The following PCDH9 variants were observed in gnomAD, a reference collection of about 807,000 sequenced individuals.
PCDH9 encodes protocadherin 9.
A neutral mutation model predicts 70.6 loss-of-function variants in PCDH9; 24 were observed. The ratio of observed to expected loss-of-function variants is 0.34; its 90% CI spans 0.25 to 0.48. The LOEUF (loss-of-function observed/expected upper bound fraction) is 0.48. Among genes scored for constraint, PCDH9 ranks in the 20% least tolerant of loss-of-function variants. The pLI, the probability that PCDH9 is intolerant of heterozygous loss-of-function variation, is 0.99. For missense variants in PCDH9, 1,281 were observed against 1,503.6 expected (o/e 0.85, Z 2.45); for synonymous variants, 562 against 558.5 (o/e 1.01, Z -0.09).
intron 4 of PCDH9, among the ~76,000 whole-genome samples, chr13:66,596,951 C>T (rs934059362): frequency 4.0e-5 from 6 of 150,654 alleles, no homozygotes; most frequent in Non-Finnish European, 8.9e-5. Context: ...CTGGAAAGTA[C>T]TTTCTATGTA....
At chr13:66,571,275 TTA>T (rs567440283) in intron 4 of PCDH9, among the ~76,000 whole-genome samples, 61 of 152,228 alleles carry the variant, frequency 4.0e-4, no homozygotes, top group African/African-American at 1.4e-3. Context: ...TTGTAAATTT[TTA>T]TGTCTTTATA....
chr13:66,557,014 G>A (rs1961768653), intron 4 of PCDH9, among the ~76,000 whole-genome samples: 2 of 152,128 alleles, frequency 1.3e-5, no homozygotes, highest in African/African-American at 2.4e-5. Context: ...GCTAAGCACT[G>A]CTTTAACAGA....
chr13:66,788,648 ATTTT>A (rs58386697), intron 3 of PCDH9, among the ~76,000 whole-genome samples: 5 of 81,866 alleles, frequency 6.1e-5, no homozygotes, highest in East Asian at 3.4e-4. Flanking sequence ...CTAAACAGTA[ATTTT>A]TTTTTTTTTT....
At chr13:66,996,760 G>A (rs1359977036) in intron 2 of PCDH9, among the ~76,000 whole-genome samples, 2 of 152,178 alleles carry the variant, frequency 1.3e-5, no homozygotes, top group Non-Finnish European at 2.9e-5. Flanking sequence ...AGTACTGTTT[G>A]GCTAGTAAGT....
At chr13:66,321,233 G>T (rs1460459485) in intron 4 of PCDH9, among the ~76,000 whole-genome samples, 2 of 152,034 alleles carry the variant, frequency 1.3e-5, no homozygotes, top group African/African-American at 4.8e-5. Context: ...CTCAGAAGCT[G>T]AATGCTAATC....
chr13:66,883,489 GA>G (rs1169135089), intron 3 of PCDH9, among the ~76,000 whole-genome samples: 1 of 152,032 alleles, frequency 6.6e-6, no homozygotes, highest in Non-Finnish European at 1.5e-5. Flanking sequence ...TTTGCTGACT[GA>G]AGATATTCTA....
intron 4 of PCDH9, among the ~76,000 whole-genome samples, chr13:66,355,229 T>C (rs1956361714): frequency 1.3e-5 from 2 of 152,082 alleles, no homozygotes; most frequent in African/African-American, 4.8e-5. Flanking sequence ...TTGGTCCTGT[T>C]TATTCACAGA....
intron 2 of PCDH9, among the ~76,000 whole-genome samples, chr13:66,935,317 A>T (rs1413921649): frequency 6.6e-6 from 1 of 152,062 alleles, no homozygotes; most frequent in African/African-American, 2.4e-5. Flanking sequence ...CAGCCTCTTA[A>T]AATGCTGGGA....
intron 4 of PCDH9, among the ~76,000 whole-genome samples, chr13:66,593,823 T>A (rs1410633777): frequency 6.6e-6 from 1 of 151,770 alleles, no homozygotes; most frequent in Non-Finnish European, 1.5e-5. Flanking sequence ...TTTGTTGTAC[T>A]TTGTTAATAA....
intron 3 of PCDH9, among the ~76,000 whole-genome samples, chr13:66,673,762 T>C (rs2078208262): frequency 6.6e-6 from 1 of 152,186 alleles, no homozygotes; most frequent in Non-Finnish European, 1.5e-5. Flanking sequence ...TCAATTTCAA[T>C]GACTGAAGTC....
intron 2 of PCDH9, among the ~76,000 whole-genome samples, chr13:67,149,689 G>T (rs1031240182): frequency 1.3e-5 from 2 of 151,766 alleles, no homozygotes; most frequent in African/African-American, 4.8e-5. Context: ...GAAAAATTAC[G>T]TTAAAGATTT....
At chr13:66,512,114 T>G (rs1959504771) in intron 4 of PCDH9, among the ~76,000 whole-genome samples, 1 of 152,128 alleles carries the variant, frequency 6.6e-6, no homozygotes, top group South Asian at 2.1e-4. Flanking sequence ...ATTTACTTCC[T>G]TAAATCATAT....
At chr13:66,456,981 T>C (rs1172541168) in intron 4 of PCDH9, among the ~76,000 whole-genome samples, 1 of 152,146 alleles carries the variant, frequency 6.6e-6, no homozygotes, top group African/African-American at 2.4e-5. Flanking sequence ...CTTATGAAAG[T>C]GCCCAAAAGT....
intron 2 of PCDH9, among the ~76,000 whole-genome samples, chr13:66,910,898 G>T (rs1209476261): frequency 6.6e-6 from 1 of 152,164 alleles, no homozygotes; most frequent in Non-Finnish European, 1.5e-5. Flanking sequence ...GAGAATGCGT[G>T]TTCCATTGAG....
chr13:66,445,468 A>AAT (rs1201140436), intron 4 of PCDH9, among the ~76,000 whole-genome samples: 58 of 141,766 alleles, frequency 4.1e-4, no homozygotes, highest in Non-Finnish European at 1.5e-5. Context: ...ACATATATAT[A>AAT]ATATATATAC....
chr13:66,327,140 A>G (rs1955863022), intron 4 of PCDH9, among the ~76,000 whole-genome samples: 1 of 152,312 alleles, frequency 6.6e-6, no homozygotes, highest in Middle Eastern at 3.4e-3. Flanking sequence ...ACACCAAGTC[A>G]CATTACTAAG....
chr13:66,761,496 T>C (rs1308732721), intron 3 of PCDH9, among the ~76,000 whole-genome samples: 1 of 152,224 alleles, frequency 6.6e-6, no homozygotes, highest in East Asian at 1.9e-4. Context: ...TTTTTTCTTC[T>C]GATGCTGTCC....
At chr13:66,777,696 G>A (rs1477807191) in intron 3 of PCDH9, among the ~76,000 whole-genome samples, 1 of 152,168 alleles carries the variant, frequency 6.6e-6, no homozygotes, top group Admixed American at 6.5e-5. Flanking sequence ...CTGTAAACTA[G>A]TTTCATCCCT....
chr13:66,474,654 G>T (rs1051408226), intron 4 of PCDH9, among the ~76,000 whole-genome samples: 1 of 152,028 alleles, frequency 6.6e-6, no homozygotes. Flanking sequence ...TACAGACACA[G>T]TTTAATAGGC....
Sources: gnomAD v4.1 joint callset for allele counts (sites outside exome capture counted in the v4.1 genomes callset) on GRCh38, gnomAD v4.1.1 for gene constraint, MANE v1.5 for transcripts, NCBI Gene and HGNC (gene_info 2026-07-23, HGNC 2026-07-21) for gene names.